Variants in CYFIP1 observed in about 807,000 individuals in gnomAD.
CYFIP1 encodes the protein cytoplasmic FMR1 interacting protein 1.
In CYFIP1, 58 loss-of-function variants were observed where a neutral mutation model predicts 163.5. The observed-to-expected ratio is 0.35, with a 90% CI of 0.29 to 0.44. The LOEUF is 0.44. CYFIP1 is among the 20% of genes least tolerant of loss of function. The pLI is 1.00. For synonymous variants in CYFIP1, 663 were observed against 660.7 expected (o/e 1.00, Z -0.05); for missense variants, 1,338 against 1,653.8 (o/e 0.81, Z 3.31).
chr15:22,906,529 A>G (rs2060589015), intron 21 of CYFIP1, among the ~76,000 whole-genome samples: 4 of 146,518 alleles, frequency 2.7e-5, no homozygotes, highest in Middle Eastern at 7.0e-3. Context: ...GCAGTGGCAC[A>G]ATCTCGGCTC....
chr15:22,879,148 A>G, intron 26 of CYFIP1, among the ~76,000 whole-genome samples: 1 of 152,116 alleles, frequency 6.6e-6, no homozygotes. Context: ...AAAAAAAAAA[A>G]AAGAAAAAGA....
chr15:22,972,751 G>T (rs12909010), intron 1 of CYFIP1, among the ~76,000 whole-genome samples: 27,305 of 152,096 alleles, frequency 0.18, 2,529 homozygotes, highest in Non-Finnish European at 0.2. Context: ...CGGTGGCTTA[G>T]CCTATAATCC....
In CYFIP1 at chr15:22,888,577, C is replaced by T. The variant is rs139776084; in HGVS notation, c.2676+4313G>A. Among the ~76,000 whole-genome samples the T allele has an allele frequency of 9.9e-5, 15 of 151,936 alleles. No homozygotes were observed. The East Asian group carries it at 2.9e-3, about 29-fold the overall frequency. On this transcript the variant is annotated intron_variant, in intron 23 of 30. Coordinates refer to ENST00000617928, the MANE Select transcript of CYFIP1 (RefSeq NM_014608.6). ...TGAAATCCCATCTCTACAAAAAACA[C>T]AAAAATTAGCCAGATGTGGTGGTGC...
intron 1 of CYFIP1, among the ~76,000 whole-genome samples, chr15:22,964,744 C>G (rs536778999): frequency 2.6e-5 from 4 of 152,146 alleles, no homozygotes; most frequent in African/African-American, 9.7e-5. Flanking sequence ...TTAGAGACGG[C>G]GAAATTGAGG....
chr15:22,942,820 G>GC (rs2061935256), intron 6 of CYFIP1, among the ~76,000 whole-genome samples: 1 of 152,172 alleles, frequency 6.6e-6, no homozygotes, highest in Non-Finnish European at 1.5e-5. Context: ...GAGGCCACCT[G>GC]CCCCCTTGCC....
intron 1 of CYFIP1, among the ~76,000 whole-genome samples, chr15:22,971,032 C>T (rs8025466): frequency 0.24 from 36,938 of 151,798 alleles, 4,822 homozygotes; most frequent in African/African-American, 0.33. Flanking sequence ...GCCGAGATTG[C>T]GCCACCGCAC....
At chr15:22,886,475 C>T (rs928069097) in intron 23 of CYFIP1, among the ~76,000 whole-genome samples, 1 of 152,058 alleles carries the variant, frequency 6.6e-6, no homozygotes, top group Admixed American at 6.5e-5. Flanking sequence ...TATATCAAAT[C>T]TTGATATATT....
intron 11 of CYFIP1, among the ~76,000 whole-genome samples, chr15:22,929,631 CA>C (rs35408380): frequency 0.19 from 7,972 of 41,842 alleles, 169 homozygotes; most frequent in African/African-American, 0.21. Context: ...GACTCTGTCT[CA>C]AAAAAAAAAA....
Position 22,926,045 on chromosome 15 carries a change from A to G in CYFIP1, c.1296T>C (p.Ala432=). ...KYSNKDCPDS[A]EEYERATRYN... is the part of the protein sequence containing the mutation. ...AGCGCGTGGCACGCTCGTACTCTTCAGCGCTGTCGGGGCAGTCCTTGTTGG... is the reference window on the plus strand; with the variant it reads ...AGCGCGTGGCACGCTCGTACTCTTCGGCGCTGTCGGGGCAGTCCTTGTTGG... The change falls in exon 13 of 31, where the codon GCT becomes GCC. Residue 432 remains alanine, a synonymous_variant. Coordinates refer to ENST00000617928, the MANE Select transcript of CYFIP1 (RefSeq NM_014608.6). The G allele has an allele frequency of 6.2e-7, 1 of 1,614,178 alleles. No homozygotes were observed.
chr15:22,961,750 C>A (rs1310794059), intron 1 of CYFIP1, among the ~76,000 whole-genome samples: 1 of 152,118 alleles, frequency 6.6e-6, no homozygotes, highest in Non-Finnish European at 1.5e-5. Context: ...TCCTTGGAAT[C>A]TTGGTATTTT....
chr15:22,898,613 C>T (rs912904016), intron 22 of CYFIP1, among the ~76,000 whole-genome samples: 1 of 152,084 alleles, frequency 6.6e-6, no homozygotes, highest in African/African-American at 2.4e-5. Context: ...CAGCTCACTA[C>T]AGCCTAGACC....
chr15:22,968,024 T>C (rs1449475634), intron 1 of CYFIP1, among the ~76,000 whole-genome samples: 1 of 151,980 alleles, frequency 6.6e-6, no homozygotes, highest in Non-Finnish European at 1.5e-5. Flanking sequence ...TAATCCCAGC[T>C]ACTCAAGAGG....
chr15:22,910,630 T>G lies in CYFIP1; in HGVS notation c.2160-2A>C, dbSNP rs1262456445. 6.2e-7 allele frequency: 1 copy of G among 1,613,576 alleles called. No homozygotes were observed. Among genetic ancestry groups the G allele is most frequent in the Admixed American group, 1.7e-5 (1 of 60,010 alleles). On this transcript the variant is annotated splice_acceptor_variant, in intron 19 of 30. Coordinates refer to ENST00000617928, the MANE Select transcript of CYFIP1 (RefSeq NM_014608.6). LOFTEE classifies it high-confidence loss of function. Reference sequence around the variant, plus strand: ...CGTAACCGTTTATCAAGAAGCAAACTAGTGTAGAAGGAAGACAGAAAGTTT... The same window carrying G: ...CGTAACCGTTTATCAAGAAGCAAACGAGTGTAGAAGGAAGACAGAAAGTTT...
chr15:22,905,992 C>T (rs1421390208), intron 21 of CYFIP1, among the ~76,000 whole-genome samples: 11 of 152,090 alleles, frequency 7.2e-5, no homozygotes, highest in Admixed American at 2.0e-4. Context: ...ATCTCCTGAC[C>T]TCGTGATCTG....
Position 22,976,527 on chromosome 15 carries a change from TTC to T in CYFIP1, c.-7+3758_-7+3759del, listed in dbSNP as rs564456089. Among the ~76,000 whole-genome samples the T allele has an allele frequency of 4.8e-4, 73 of 152,298 alleles. No individual in the cohort carries two copies. In the East Asian group the frequency reaches 7.5e-3, roughly 16 times the overall value. On this transcript the variant is annotated intron_variant, in intron 1 of 30. Coordinates refer to ENST00000617928, the MANE Select transcript of CYFIP1 (RefSeq NM_014608.6). Reference sequence around the variant, plus strand: ...TACCTGTAGTTTCATTATCTGCAATTTCTGTTTCCCCAGTTATAGCTGCCTAC... The same window carrying T: ...TACCTGTAGTTTCATTATCTGCAATTTGTTTCCCCAGTTATAGCTGCCTAC...
chr15:22,876,480 A>G (rs892588185), intron 26 of CYFIP1, among the ~76,000 whole-genome samples: 2 of 152,050 alleles, frequency 1.3e-5, no homozygotes, highest in African/African-American at 2.4e-5. Context: ...TTGTGGTTCT[A>G]TAATTATTTA....
intron 23 of CYFIP1, among the ~76,000 whole-genome samples, chr15:22,885,247 C>T (rs1188368423): frequency 6.6e-6 from 1 of 152,158 alleles, no homozygotes; most frequent in Non-Finnish European, 1.5e-5. Context: ...TAAACAAACT[C>T]CAATTTCAGA....
chr15:22,903,816 C>A lies in CYFIP1; in HGVS notation c.2478G>T (p.Arg826=), dbSNP rs867929358. ...LTLDGFDAMF[R]EANHNVSAPY... is the part of the protein sequence containing the mutation. The stretch of plus-strand genomic sequence containing the variant: ...GCGCTGACACGTTGTGGTTGGCCTC[C>A]CGGAACATGGCGTCGAAGCCGTCCA... Residue 826 remains arginine (R), a synonymous_variant, in exon 22 of 31, where the codon CGG becomes CGT. Coordinates refer to ENST00000617928, the MANE Select transcript of CYFIP1 (RefSeq NM_014608.6). The A allele has an allele frequency of 1.9e-6, 3 of 1,614,078 alleles. No homozygotes were observed. The South Asian group carries it at 3.3e-5, about 18-fold the overall frequency.
chr15:22,867,915 T>C lies in CYFIP1; in HGVS notation c.*2113A>G, dbSNP rs768479847. On this transcript the variant is annotated 3_prime_UTR_variant, in exon 31 of 31. Coordinates refer to ENST00000617928, the MANE Select transcript of CYFIP1 (RefSeq NM_014608.6). The stretch of plus-strand genomic sequence containing the variant: ...AGAAAAGGTAGAATAATAAAAAAGG[T>C]CTAATGAACTCCATTCAGCTTTGAA... 7.2e-5 allele frequency: 11 copies of C among 152,170 alleles called. No individual in the cohort carries two copies. The highest frequency in any genetic ancestry group is 1.5e-4 in the Non-Finnish European group (10 of 68,032). The allele number at this position is 152,170 out of a possible 1,614,324, so 9.4% of individuals were successfully genotyped here.
Sources: allele counts gnomAD v4.1 joint callset (sites outside exome capture counted in the v4.1 genomes callset), GRCh38; gene constraint gnomAD v4.1.1; transcripts MANE v1.5; gene names NCBI Gene and HGNC (gene_info 2026-07-23, HGNC 2026-07-21).